Variants in SMCHD1 observed in about 807,000 individuals in gnomAD.
SMCHD1 encodes the protein structural maintenance of chromosomes flexible hinge domain containing 1.
A neutral mutation model predicts 254.7 loss-of-function variants in SMCHD1; 78 were observed. That is an observed-to-expected ratio of 0.31 (90% CI 0.26 to 0.37). The LOEUF (loss-of-function observed/expected upper bound fraction) is 0.37. SMCHD1 is among the 10% of genes least tolerant of loss of function. SMCHD1 has a pLI of 1.00. For missense variants in SMCHD1, 1,840 were observed against 2,408.1 expected, an observed-to-expected ratio of 0.76 and a Z score of 4.94; for synonymous variants, 766 against 794.9, an observed-to-expected ratio of 0.96 and a Z score of 0.61.
At chr18:2,767,288 G>A (rs563620541) in intron 37 of SMCHD1, among the ~76,000 whole-genome samples, 12 of 151,728 alleles carry the variant, frequency 7.9e-5, no homozygotes, top group Middle Eastern at 3.4e-3. Context: ...CTTTATGTAC[G>A]TAAGCATATC....
At chr18:2,796,239 T>G in intron 46 of SMCHD1, 132 bp downstream of exon 46, 1 of 915,722 alleles carries the variant, frequency 1.1e-6, no homozygotes, top group Non-Finnish European at 1.6e-6. Flanking sequence ...AACCTCCAAG[T>G]CCTATCTGAT....
At chr18:2,777,951 A>T (rs1202204316) in intron 43 of SMCHD1, 36 bp downstream of exon 43, 6 of 1,291,322 alleles carry the variant, frequency 4.6e-6, no homozygotes, top group Non-Finnish European at 6.4e-6. Context: ...TTTTGTACAG[A>T]TGTTAAATTT....
In SMCHD1 at chr18:2,780,106, G is replaced by A. The variant is rs565865766; in HGVS notation, c.5547+1867G>A. Among the ~76,000 whole-genome samples the A allele has an allele frequency of 1.8e-4, 27 of 151,938 alleles. No individual in the cohort carries two copies. In the East Asian group the frequency reaches 5.0e-3, roughly 28 times the overall value. ...ATACAAAAATTAGCCAGGCGTGGTG[G>A]CAGGCACCTGTAATCCCAGGTACTT... On this transcript the variant is annotated intron_variant, in intron 44 of 47. Transcript: ENST00000320876.
intron 44 of SMCHD1, among the ~76,000 whole-genome samples, chr18:2,778,622 ATTGT>A (rs67895408): frequency 0.086 from 13,108 of 152,122 alleles, 930 homozygotes; most frequent in East Asian, 0.42. Flanking sequence ...ATAGAAATTT[ATTGT>A]ATCACAGTTC....
chr18:2,694,038 G>A (rs1568159061), intron 7 of SMCHD1, among the ~76,000 whole-genome samples: 1 of 152,162 alleles, frequency 6.6e-6, no homozygotes, highest in Non-Finnish European at 1.5e-5. Flanking sequence ...TTCTCTGAAA[G>A]TGGGTTGGTG....
Position 2,674,104 on chromosome 18 carries a change from G to T in SMCHD1, c.597G>T (p.Val199=). ...CTAAACAGCTTAACAACTGGGCCGT[G>T]TATAGGTTGTCAAAATTCACAAGGC... ...MTSKQLNNWA[V]YRLSKFTRQG... is the part of the protein sequence containing the mutation. The change falls in exon 5 of 48, where the codon GTG becomes GTT. Residue 199 remains valine, a synonymous_variant. Transcript: ENST00000320876. The T allele has an allele frequency of 6.2e-7, 1 of 1,602,228 alleles. No individual in the cohort carries two copies. The highest frequency in any genetic ancestry group is 8.5e-7 in the Non-Finnish European group (1 of 1,174,674).
chr18:2,676,580 G>A (rs1187221038), intron 5 of SMCHD1, among the ~76,000 whole-genome samples: 2 of 152,122 alleles, frequency 1.3e-5, no homozygotes, highest in Admixed American at 1.3e-4. Flanking sequence ...GAGAGTAGAG[G>A]GAGATGTGAG....
intron 3 of SMCHD1, among the ~76,000 whole-genome samples, chr18:2,668,036 C>A (rs528563137): frequency 8.5e-5 from 13 of 152,116 alleles, no homozygotes; most frequent in African/African-American, 2.4e-4. Flanking sequence ...GGCACCACCA[C>A]GCCTGGCTAA....
chr18:2,772,516 T>G (rs2076001545), intron 41 of SMCHD1, 144 bp downstream of exon 41: 3 of 609,068 alleles, frequency 4.9e-6, no homozygotes, highest in Non-Finnish European at 7.5e-6. Context: ...ATTATTGCAA[T>G]AGGGATTTGG....
intron 34 of SMCHD1, among the ~76,000 whole-genome samples, chr18:2,759,221 G>A (rs948035798): frequency 2.6e-5 from 4 of 152,074 alleles, no homozygotes; most frequent in African/African-American, 9.7e-5. Context: ...TGGATATATA[G>A]GATAAGAGTG....
chr18:2,682,363 C>T (rs1229095570), intron 5 of SMCHD1, among the ~76,000 whole-genome samples: 2 of 150,168 alleles, frequency 1.3e-5, no homozygotes, highest in Admixed American at 6.6e-5. Flanking sequence ...TCCCACCTCT[C>T]AGCCCCAGGC....
At position 2,674,147 on chromosome 18, in the gene SMCHD1, T is replaced by C. The variant is rs2073684457; in HGVS notation, c.638+2T>C. ...CACAAGGCAAGGTGACTTTGAAAGG[T>C]TAGAAAACCTTACTTTTTTTTTTTT... is the stretch of plus-strand genomic sequence containing the variant. On this transcript the variant is annotated splice_donor_variant, in intron 5 of 47. Transcript: ENST00000320876. LOFTEE classifies it high-confidence loss of function. 1 of 1,564,990 alleles carries C rather than the reference T, an allele frequency of 6.4e-7. No homozygotes were observed.
Position 2,750,391 on chromosome 18 carries a change from G to A in SMCHD1, c.4049G>A (p.Ser1350Asn). ...CAGGTTAAAGCCATCTATAACAAAA[G>A]TATCATAGAAGGACCTATAATTAAG... ...TLQVKAIYNK[S>N]IIEGPIIKLM... The change falls in exon 32 of 48, where the codon AGT (serine) becomes AAT (asparagine). Residue 1350 changes from serine (S) to asparagine (N), a missense_variant. Coordinates refer to ENST00000320876, the MANE Select transcript of SMCHD1 (RefSeq NM_015295.3). The A allele has an allele frequency of 6.2e-7, 1 of 1,612,650 alleles. No individual in the cohort carries two copies. The highest frequency in any genetic ancestry group is 8.5e-7 in the Non-Finnish European group (1 of 1,179,076).
intron 35 of SMCHD1, 120 bp downstream of exon 35, chr18:2,760,859 T>A: frequency 1.8e-6 from 1 of 549,396 alleles, no homozygotes; most frequent in Non-Finnish European, 3.2e-6. Flanking sequence ...ATGAAATATT[T>A]TGTTTAAAAG....
chr18:2,796,085 C>T lies in SMCHD1; in HGVS notation c.5856C>T (p.Leu1952=), dbSNP rs2076258638. The change falls in exon 46 of 48, where the codon CTC becomes CTT. Residue 1952 remains leucine, a synonymous_variant. Coordinates refer to ENST00000320876, the MANE Select transcript of SMCHD1 (RefSeq NM_015295.3). ...AACTTGATGAACATGAGAAAAATCTCAAACTAATAGAGGAAAAACTAGGTA... is the reference window on the plus strand; with the variant it reads ...AACTTGATGAACATGAGAAAAATCTTAAACTAATAGAGGAAAAACTAGGTA... ...KQELDEHEKN[L]KLIEEKLGMT... is the part of the protein sequence containing the mutation. 1 of 1,568,734 alleles carries T rather than the reference C, an allele frequency of 6.4e-7. No individual in the cohort carries two copies. Among genetic ancestry groups the T allele is most frequent in the South Asian group, 1.2e-5 (1 of 83,864 alleles).
chr18:2,662,833 C>G (rs1297320507), intron 1 of SMCHD1, among the ~76,000 whole-genome samples: 2 of 151,970 alleles, frequency 1.3e-5, no homozygotes, highest in Non-Finnish European at 2.9e-5. Context: ...ATGTTCATGG[C>G]TTTATTTCTC....
chr18:2,713,697 G>A (rs2074732156), intron 17 of SMCHD1, among the ~76,000 whole-genome samples: 1 of 152,004 alleles, frequency 6.6e-6, no homozygotes, highest in African/African-American at 2.4e-5. Context: ...ATATATATAT[G>A]TATTTTAAAT....
chr18:2,785,949 T>C (rs1217491541), intron 45 of SMCHD1, among the ~76,000 whole-genome samples: 1 of 152,222 alleles, frequency 6.6e-6, no homozygotes, highest in East Asian at 1.9e-4. Context: ...TTTGTAAGGC[T>C]GAATAATATA....
At chr18:2,728,293 A>C in intron 22 of SMCHD1, 164 bp from the exon 23 acceptor site, 1 of 643,624 alleles carries the variant, frequency 1.6e-6, no homozygotes, top group Non-Finnish European at 2.6e-6. Context: ...GAATCTGTGC[A>C]TTTTGGGATG....
Sources: gnomAD v4.1 joint callset for allele counts (sites outside exome capture counted in the v4.1 genomes callset) on GRCh38, gnomAD v4.1.1 for gene constraint, MANE v1.5 for transcripts, NCBI Gene and HGNC (gene_info 2026-07-23, HGNC 2026-07-21) for gene names.